Variants in CSMD1 observed in about 807,000 individuals in gnomAD.
CSMD1 encodes the protein CUB and Sushi multiple domains 1.
Under a neutral mutation model 417.5 loss-of-function variants are expected in CSMD1, and 213 were observed. The ratio of observed to expected loss-of-function variants is 0.51; its 90% CI spans 0.46 to 0.57. The LOEUF (loss-of-function observed/expected upper bound fraction) is 0.57, where lower values mean the gene tolerates loss of function less well. Among genes scored for constraint, CSMD1 ranks in the 20% least tolerant of loss-of-function variants. The probability of loss-of-function intolerance (pLI) is 0.00; values close to 1 mark genes in which losing one functional copy is unlikely to be tolerated. For missense variants in CSMD1, 6,923 were observed against 4,529.7 expected, an observed-to-expected ratio of 1.53 and a Z score of -15.17; for synonymous variants, 2,862 against 1,736.8, an observed-to-expected ratio of 1.65 and a Z score of -16.11.
At chr8:3,307,165 C>G (rs919638235) in intron 25 of CSMD1, among the ~76,000 whole-genome samples, 1 of 152,144 alleles carries the variant, frequency 6.6e-6, no homozygotes, top group African/African-American at 2.4e-5. Context: ...GCCCATGAGA[C>G]TTGCTTTGAC....
At chr8:3,655,658 CGTTT>C (rs1333782027) in intron 7 of CSMD1, among the ~76,000 whole-genome samples, 48 of 80,446 alleles carry the variant, frequency 6.0e-4, no homozygotes, top group Non-Finnish European at 1.1e-3. Context: ...ATGGAGGTTG[CGTTT>C]TTTTTTTTTT....
At chr8:4,061,194 G>A (rs1798954468) in intron 3 of CSMD1, among the ~76,000 whole-genome samples, 1 of 152,124 alleles carries the variant, frequency 6.6e-6, no homozygotes, top group African/African-American at 2.4e-5. Context: ...GTTCTAACAT[G>A]AGCCCTTTTA....
intron 1 of CSMD1, among the ~76,000 whole-genome samples, chr8:4,725,711 T>C (rs1212395573): frequency 6.6e-6 from 1 of 152,298 alleles, no homozygotes; most frequent in East Asian, 1.9e-4. Flanking sequence ...AATCCCCATT[T>C]ATCTCAGATA....
chr8:4,093,141 G>C (rs930637550), intron 3 of CSMD1, among the ~76,000 whole-genome samples: 4 of 152,086 alleles, frequency 2.6e-5, no homozygotes, highest in Admixed American at 6.6e-5. Flanking sequence ...AATTATACAA[G>C]TCATATTGAC....
At chr8:3,981,445 G>C (rs1277307194) in intron 5 of CSMD1, among the ~76,000 whole-genome samples, 4 of 127,052 alleles carry the variant, frequency 3.1e-5, no homozygotes, top group Non-Finnish European at 4.7e-5. Flanking sequence ...CACCGCTAAA[G>C]AACTTACTCA....
intron 7 of CSMD1, among the ~76,000 whole-genome samples, chr8:3,684,413 A>G (rs114849882): frequency 2.5e-3 from 377 of 149,218 alleles, no homozygotes; most frequent in African/African-American, 8.8e-3. Flanking sequence ...TATACAAAAT[A>G]TATTTTTTTC....
chr8:4,034,987 G>C (rs566290313), intron 3 of CSMD1, among the ~76,000 whole-genome samples: 1 of 152,104 alleles, frequency 6.6e-6, no homozygotes, highest in Admixed American at 6.6e-5. Context: ...TCTTCTATAC[G>C]TTTTTTCTGT....
At chr8:3,896,240 A>C (rs1807354394) in intron 5 of CSMD1, among the ~76,000 whole-genome samples, 1 of 152,116 alleles carries the variant, frequency 6.6e-6, no homozygotes, top group East Asian at 1.9e-4. Flanking sequence ...TGTCACCAAA[A>C]TTTCTCAAAA....
chr8:4,303,783 G>A (rs1798108813), intron 3 of CSMD1, among the ~76,000 whole-genome samples: 2 of 151,968 alleles, frequency 1.3e-5, no homozygotes, highest in Non-Finnish European at 2.9e-5. Context: ...AGCCTCCTGA[G>A]TAGCTGGGAC....
rs117877333 is a variant in CSMD1, at chr8:4,233,589, C to A, written c.415+186364G>T. On this transcript the variant is annotated intron_variant, in intron 3 of 69. Coordinates refer to ENST00000635120, the MANE Select transcript of CSMD1 (RefSeq NM_033225.6). ...CAGGGAGAAGGCCCTGTCTATGAACCAGGAAATGATCCCCAACCAGGACAC... is the reference window on the plus strand; with the variant it reads ...CAGGGAGAAGGCCCTGTCTATGAACAAGGAAATGATCCCCAACCAGGACAC... 1.0e-3 allele frequency among the ~76,000 whole-genome samples: 156 copies of A among 152,250 alleles called. 3 individuals carry two copies. In the East Asian group the frequency reaches 0.016, roughly 16 times the overall value.
chr8:3,740,343 T>C (rs1482195885), intron 6 of CSMD1, among the ~76,000 whole-genome samples: 1 of 152,222 alleles, frequency 6.6e-6, no homozygotes, highest in Non-Finnish European at 1.5e-5. Flanking sequence ...TTAACTCAAA[T>C]GATCCGCCTT....
At chr8:4,471,589 G>A (rs1232227444) in intron 2 of CSMD1, among the ~76,000 whole-genome samples, 2 of 152,046 alleles carry the variant, frequency 1.3e-5, no homozygotes, top group Non-Finnish European at 1.5e-5. Flanking sequence ...AGAGAGAGGT[G>A]CAGGGAGAAA....
intron 39 of CSMD1, among the ~76,000 whole-genome samples, chr8:3,152,980 C>G (rs114599337): frequency 2.6e-3 from 398 of 152,278 alleles, no homozygotes; most frequent in African/African-American, 8.6e-3. Context: ...ACAACTCCAC[C>G]TGGAATAGGA....
chr8:3,866,323 C>T (rs1207836720), intron 5 of CSMD1, among the ~76,000 whole-genome samples: 1 of 152,114 alleles, frequency 6.6e-6, no homozygotes, highest in East Asian at 1.9e-4. Context: ...GCTGGCTGAA[C>T]CCTGGGGATT....
chr8:3,485,743 G>C (rs906754824), intron 11 of CSMD1, among the ~76,000 whole-genome samples: 2 of 147,216 alleles, frequency 1.4e-5, no homozygotes, highest in Admixed American at 1.4e-4. Context: ...CTGGGTGACA[G>C]AGCGAGACTC....
At chr8:4,957,430 C>G (rs1246332375) in intron 1 of CSMD1, among the ~76,000 whole-genome samples, 2 of 152,184 alleles carry the variant, frequency 1.3e-5, no homozygotes, top group Non-Finnish European at 2.9e-5. Context: ...CCCTATGTAA[C>G]AGGCGCTTTC....
rs1268310924 is a variant in CSMD1 at position 3,289,279 on chromosome 8, A to G, written c.3951-4933T>C. The stretch of plus-strand genomic sequence containing the variant: ...CTTTGCTATTGTGAATAGTGCCGCT[A>G]TAAACATACGTGTGCATGTGTCTTT... On this transcript the variant is annotated intron_variant, in intron 25 of 69. Coordinates refer to ENST00000635120, the MANE Select transcript of CSMD1 (RefSeq NM_033225.6). Among the ~76,000 whole-genome samples, 32 of 147,284 alleles carry G rather than the reference A, an allele frequency of 2.2e-4. 1 individual carries two copies. The highest frequency in any genetic ancestry group is 3.7e-4 in the Non-Finnish European group (25 of 68,018).
At chr8:4,059,442 C>T (rs929052778) in intron 3 of CSMD1, among the ~76,000 whole-genome samples, 43 of 152,092 alleles carry the variant, frequency 2.8e-4, no homozygotes, top group Non-Finnish European at 5.4e-4. Flanking sequence ...TAACTAAAAT[C>T]AGAGCAGAAC....
At chr8:3,266,839 T>C (rs61014213) in intron 26 of CSMD1, among the ~76,000 whole-genome samples, 7,459 of 150,340 alleles carry the variant, frequency 0.05, 222 homozygotes, top group Middle Eastern at 0.082. Context: ...GCATGGTATT[T>C]ATGACAGTGA....
Sources: gnomAD v4.1 joint callset for allele counts (sites outside exome capture counted in the v4.1 genomes callset) on GRCh38, gnomAD v4.1.1 for gene constraint, MANE v1.5 for transcripts, NCBI Gene and HGNC (gene_info 2026-07-23, HGNC 2026-07-21) for gene names.